IL2RA: variants seen among roughly 807,000 people sequenced by gnomAD.
IL2RA encodes the protein interleukin 2 receptor subunit alpha.
A neutral mutation model predicts 37.8 loss-of-function variants in IL2RA; 24 were observed. The ratio of observed to expected loss-of-function variants is 0.63; its 90% CI spans 0.46 to 0.89. The LOEUF is 0.89. Ranked by LOEUF, IL2RA falls within the 40% of genes least tolerant of loss-of-function variation. The pLI is 0.00. For synonymous variants in IL2RA, 125 were observed against 114.6 expected (o/e 1.09, Z -0.58); for missense variants, 319 against 348.6 (o/e 0.92, Z 0.68).
rs995904256 is a variant in IL2RA at position 6,047,244 on chromosome 10, C to A, written c.64+14844G>T. Among the ~76,000 whole-genome samples the A allele has an allele frequency of 6.6e-6, 1 of 152,226 alleles. No homozygotes were observed. The highest frequency in any genetic ancestry group is 1.9e-4 in the East Asian group (1 of 5,196). ...CAAGGAACAACCCCCATGCCAACAG[C>A]ACTCCATCCCGACCTCATACCATGT... On this transcript the variant is annotated intron_variant, in intron 1 of 7. Transcript: ENST00000379959. The surrounding 1 kb of genome is among the most constrained non-coding windows in gnomAD (Gnocchi z 5.0).
At chr10:6,031,596 T>C (rs538964027) in intron 1 of IL2RA, among the ~76,000 whole-genome samples, 2 of 148,960 alleles carry the variant, frequency 1.3e-5, no homozygotes, top group South Asian at 2.1e-4. Flanking sequence ...TAAAAACAAT[T>C]GTATTTACAA....
chr10:6,018,116 G>A lies in IL2RA; in HGVS notation c.731C>T (p.Ala244Val), dbSNP rs1371314193. The A allele has an allele frequency of 1.9e-6, 3 of 1,613,680 alleles. No individual in the cohort carries two copies. The Admixed American group carries it at 5.0e-5, about 27-fold the overall frequency. Residue 244 changes from alanine (A) to valine (V), a missense_variant, in exon 7 of 8, where the codon GCC becomes GTC. Physicochemically the swap from Ala to Val is moderately conservative, Grantham distance 64. Transcript: ENST00000379959. The surrounding 1 kb of genome is among the most constrained non-coding windows in gnomAD (Gnocchi z 5.1). Reference sequence around the variant, plus strand: ...GCTGATCAGCAGGAAAACACAGCCGGCCACTGTCAATAGAGAGAGGGAGTT... The same window carrying A: ...GCTGATCAGCAGGAAAACACAGCCGACCACTGTCAATAGAGAGAGGGAGTT... ...IFTTEYQVAV[A>V]GCVFLLISVL...
chr10:6,053,861 G>T (rs1002792258), intron 1 of IL2RA, among the ~76,000 whole-genome samples: 3 of 152,172 alleles, frequency 2.0e-5, no homozygotes, highest in Non-Finnish European at 4.4e-5. Context: ...GGACTCAATT[G>T]CTGCTAGTCC....
At chr10:6,016,366 C>A (rs182753625) in intron 7 of IL2RA, among the ~76,000 whole-genome samples, 1 of 152,182 alleles carries the variant, frequency 6.6e-6, no homozygotes, top group Admixed American at 6.5e-5. Context: ...AGTTATAAAT[C>A]TCTGTTCTTT....
At position 6,014,405 on chromosome 10, in the gene IL2RA, A is replaced by G. The variant is rs1839243596; in HGVS notation, c.795-1509T>C. Reference sequence around the variant, plus strand: ...TTTGGACAAACTGACTAGAGGGGTCATTTCTAGATGTATGTTTGAGTCTCC... The same window carrying G: ...TTTGGACAAACTGACTAGAGGGGTCGTTTCTAGATGTATGTTTGAGTCTCC... On this transcript the variant is annotated intron_variant, in intron 7 of 7. Transcript: ENST00000379959. This position sits in a 1 kb window ranked among gnomAD's most constrained non-coding sequence, Gnocchi z 4.4. Among the ~76,000 whole-genome samples, 1 of 152,172 alleles carries G rather than the reference A, an allele frequency of 6.6e-6. No individual in the cohort carries two copies. Among genetic ancestry groups the G allele is most frequent in the Non-Finnish European group, 1.5e-5 (1 of 68,018 alleles).
chr10:6,021,623 C>T lies in IL2RA; in HGVS notation c.438G>A (p.Gln146=). 6.2e-7 allele frequency: 1 copy of T among 1,614,138 alleles called. No individual in the cohort carries two copies. Residue 146 remains glutamine (Q), a synonymous_variant, in exon 4 of 8, where the codon CAG becomes CAA. Transcript: ENST00000379959. This position sits in a 1 kb window ranked among gnomAD's most constrained non-coding sequence, Gnocchi z 4.9. ...TERIYHFVVG[Q]MVYYQCVQGY... ...CCTGGACGCACTGATAATAAACCAT[C>T]TGCCCCACCACGAAATGATAAATTC...
At chr10:6,024,073 C>G (rs1839436063) in intron 3 of IL2RA, among the ~76,000 whole-genome samples, 171 bp downstream of exon 3, 1 of 152,212 alleles carries the variant, frequency 6.6e-6, no homozygotes, top group Non-Finnish European at 1.5e-5. Context: ...CAAACAGCCT[C>G]TGAGCAACTC....
chr10:6,022,973 T>G lies in IL2RA; in HGVS notation c.367+1271A>C, dbSNP rs1269859925. Among the ~76,000 whole-genome samples, 2 of 152,236 alleles carry G rather than the reference T, an allele frequency of 1.3e-5. No individual in the cohort carries two copies. The highest frequency in any genetic ancestry group is 3.8e-4 in the East Asian group (2 of 5,206). On this transcript the variant is annotated intron_variant, in intron 3 of 7. Coordinates refer to ENST00000379959, the MANE Select transcript of IL2RA (RefSeq NM_000417.3). This position sits in a 1 kb window ranked among gnomAD's most constrained non-coding sequence, Gnocchi z 4.7. ...GAGCATCATGTTGCAACTGTGCCCCTAGATTAGTCTGTTTTAAAAAATAAA... is the reference window on the plus strand; with the variant it reads ...GAGCATCATGTTGCAACTGTGCCCCGAGATTAGTCTGTTTTAAAAAATAAA...
chr10:6,050,143 T>A (rs527632215), intron 1 of IL2RA, among the ~76,000 whole-genome samples: 1 of 152,012 alleles, frequency 6.6e-6, no homozygotes, highest in East Asian at 1.9e-4. Flanking sequence ...TCAGGGGAGA[T>A]TAACTTGGGG....
rs1283117323 is a variant in IL2RA, at chr10:6,035,257, C to A, written c.65-9232G>T. 2.0e-5 allele frequency among the ~76,000 whole-genome samples: 3 copies of A among 152,184 alleles called. No homozygotes were observed. Among genetic ancestry groups the A allele is most frequent in the African/African-American group, 7.2e-5 (3 of 41,454 alleles). ...GAGAGAGCCAGGGGTTCCTTGGGCCCCCGCTAGGGGACTTTCTGTTTGCCC... is the reference window on the plus strand; with the variant it reads ...GAGAGAGCCAGGGGTTCCTTGGGCCACCGCTAGGGGACTTTCTGTTTGCCC... On this transcript the variant is annotated intron_variant, in intron 1 of 7. Transcript: ENST00000379959. The surrounding 1 kb of genome is among the most constrained non-coding windows in gnomAD (Gnocchi z 5.4).
intron 1 of IL2RA, among the ~76,000 whole-genome samples, chr10:6,052,638 C>T (rs185709655): frequency 1.4e-4 from 19 of 133,028 alleles, no homozygotes; most frequent in Admixed American, 1.1e-3. Flanking sequence ...GGGGAGAAAA[C>T]GCGCCCCCCC....
rs1589295726 is a variant in IL2RA, at chr10:6,025,884, C to T, written c.206G>A (p.Gly69Glu). ...KSGSLYMLCT[G>E]NSSHSSWDNQ... is the part of the protein sequence containing the mutation. The stretch of plus-strand genomic sequence containing the variant: ...GTCCCAGGACGAGTGGCTAGAGTTT[C>T]CTGTACAGAGCATATAGAGTGACCC... The change falls in exon 2 of 8, where the codon GGA (glycine) becomes GAA (glutamate). Residue 69 changes from glycine (G) to glutamate (E), a missense_variant. Coordinates refer to ENST00000379959, the MANE Select transcript of IL2RA (RefSeq NM_000417.3). The surrounding 1 kb of genome is among the most constrained non-coding windows in gnomAD (Gnocchi z 4.4). 6.2e-7 allele frequency: 1 copy of T among 1,614,198 alleles called. No homozygotes were observed. The highest frequency in any genetic ancestry group is 1.3e-5 in the African/African-American group (1 of 75,054).
At chr10:6,032,228 A>G (rs1049347767) in intron 1 of IL2RA, among the ~76,000 whole-genome samples, 19 of 152,244 alleles carry the variant, frequency 1.2e-4, no homozygotes, top group African/African-American at 4.3e-4. Flanking sequence ...TACTAGGTCT[A>G]TATCTTATAG....
At position 6,046,712 on chromosome 10, in the gene IL2RA, G is replaced by A. The variant is rs781225766; in HGVS notation, c.64+15376C>T. Among the ~76,000 whole-genome samples, 4 of 152,176 alleles carry A rather than the reference G, an allele frequency of 2.6e-5. No homozygotes were observed. The highest frequency in any genetic ancestry group is 5.9e-5 in the Non-Finnish European group (4 of 68,034). On this transcript the variant is annotated intron_variant, in intron 1 of 7. Transcript: ENST00000379959. The surrounding 1 kb of genome is among the most constrained non-coding windows in gnomAD (Gnocchi z 4.8). ...TCTCCAGAGTTCCTTGAAAGCATTG[G>A]TGCTCAACTATCCCTGCCTTAACAC...
rs1415666665 is a variant in IL2RA, at chr10:6,056,462, C to T, written c.64+5626G>A. Among the ~76,000 whole-genome samples the T allele has an allele frequency of 6.6e-6, 1 of 152,186 alleles. No individual in the cohort carries two copies. The stretch of plus-strand genomic sequence containing the variant: ...AGAAGTAATCAACTGAATTAAGATT[C>T]TCTTTTCAGCTGGGCACAGTGGCTC... On this transcript the variant is annotated intron_variant, in intron 1 of 7. Coordinates refer to ENST00000379959, the MANE Select transcript of IL2RA (RefSeq NM_000417.3). This position sits in a 1 kb window ranked among gnomAD's most constrained non-coding sequence, Gnocchi z 5.0.
chr10:6,041,743 T>C (rs1839775326), intron 1 of IL2RA, among the ~76,000 whole-genome samples: 1 of 152,156 alleles, frequency 6.6e-6, no homozygotes, highest in Admixed American at 6.5e-5. Context: ...CATGTGAAGG[T>C]TGAACTAAAG....
Position 6,014,517 on chromosome 10 carries a change from C to A in IL2RA, c.795-1621G>T, listed in dbSNP as rs762543312. Among the ~76,000 whole-genome samples the A allele has an allele frequency of 1.1e-4, 17 of 152,178 alleles. No homozygotes were observed. Among genetic ancestry groups the A allele is most frequent in the Admixed American group, 2.0e-4 (3 of 15,278 alleles). On this transcript the variant is annotated intron_variant, in intron 7 of 7. Coordinates refer to ENST00000379959, the MANE Select transcript of IL2RA (RefSeq NM_000417.3). This position sits in a 1 kb window ranked among gnomAD's most constrained non-coding sequence, Gnocchi z 4.4. Reference sequence around the variant, plus strand: ...TTCACAACATAAACACTGAACCATTCCTACTTCCAAATAGCTTTGTCCTCT... The same window carrying A: ...TTCACAACATAAACACTGAACCATTACTACTTCCAAATAGCTTTGTCCTCT...
chr10:6,037,548 A>G (rs1009762644), intron 1 of IL2RA, among the ~76,000 whole-genome samples: 3 of 152,212 alleles, frequency 2.0e-5, no homozygotes, highest in Admixed American at 1.3e-4. Flanking sequence ...TGTCTAGGTG[A>G]TGATTTCACT....
intron 7 of IL2RA, among the ~76,000 whole-genome samples, chr10:6,013,209 A>G (rs924903438): frequency 2.0e-5 from 3 of 152,222 alleles, no homozygotes; most frequent in Non-Finnish European, 4.4e-5. Flanking sequence ...TGCATGCAGT[A>G]AAGCACTTGG....
Sources: allele counts gnomAD v4.1 joint callset (sites outside exome capture counted in the v4.1 genomes callset), GRCh38; gene constraint gnomAD v4.1.1; non-coding constraint Gnocchi (gnomAD v3.1); transcripts MANE v1.5; gene names NCBI Gene and HGNC (gene_info 2026-07-23, HGNC 2026-07-21).